Variants in TMEM132D observed in about 807,000 individuals in gnomAD.
The protein encoded by TMEM132D is mature OL transmembrane protein.
TMEM132D carries 21 observed loss-of-function variants against 62.3 expected under a neutral mutation model. That is an observed-to-expected ratio of 0.34 (90% CI 0.24 to 0.49). The LOEUF is 0.49. TMEM132D is among the 20% of genes least tolerant of loss of function. The pLI, the probability that TMEM132D is intolerant of heterozygous loss-of-function variation, is 0.99. For missense variants in TMEM132D, 1,346 were observed against 1,402.8 expected (o/e 0.96, Z 0.65); for synonymous variants, 621 against 575.6 (o/e 1.08, Z -1.13).
At chr12:129,549,755 C>A (rs376222435) in intron 2 of TMEM132D, among the ~76,000 whole-genome samples, 1 of 152,330 alleles carries the variant, frequency 6.6e-6, no homozygotes, top group South Asian at 2.1e-4. Context: ...CTGTTTGTCA[C>A]CTTTGGTGGA....
intron 5 of TMEM132D, among the ~76,000 whole-genome samples, chr12:129,123,541 T>C (rs1876124457): frequency 6.6e-6 from 1 of 152,160 alleles, no homozygotes; most frequent in Admixed American, 6.5e-5. Context: ...CCAAGCCAAC[T>C]CAGGAAATGA....
chr12:129,355,870 C>T (rs569508713), intron 3 of TMEM132D, among the ~76,000 whole-genome samples: 2 of 152,310 alleles, frequency 1.3e-5, no homozygotes, highest in African/African-American at 2.4e-5. Context: ...GAGGGGCCCT[C>T]ACGCAGAGTC....
At chr12:129,172,131 C>T (rs1016395907) in intron 5 of TMEM132D, among the ~76,000 whole-genome samples, 1 of 152,230 alleles carries the variant, frequency 6.6e-6, no homozygotes, top group Non-Finnish European at 1.5e-5. Flanking sequence ...TCAGTACTTG[C>T]TGCTTCACCT....
At chr12:129,435,108 C>G (rs1872754020) in intron 3 of TMEM132D, among the ~76,000 whole-genome samples, 1 of 152,148 alleles carries the variant, frequency 6.6e-6, no homozygotes, top group Non-Finnish European at 1.5e-5. Context: ...ACTATTGAGT[C>G]AATGTCTAGG....
At chr12:129,769,403 A>G (rs1429128275) in intron 1 of TMEM132D, among the ~76,000 whole-genome samples, 2 of 152,154 alleles carry the variant, frequency 1.3e-5, no homozygotes, top group African/African-American at 4.8e-5. Flanking sequence ...CTTATTCACC[A>G]CCACAAGAAC....
At chr12:129,076,895 A>G (rs930437029) in intron 8 of TMEM132D, among the ~76,000 whole-genome samples, 14 of 152,162 alleles carry the variant, frequency 9.2e-5, no homozygotes, top group Non-Finnish European at 1.5e-5. Flanking sequence ...TATCACCCAC[A>G]AAGACAGAGA....
intron 5 of TMEM132D, among the ~76,000 whole-genome samples, chr12:129,156,734 T>C (rs368264368): frequency 5.2e-4 from 79 of 151,606 alleles, no homozygotes; most frequent in African/African-American, 1.8e-3. Context: ...ACTCCCTCAA[T>C]AACCAAATCA....
At chr12:129,389,423 C>T (rs1168547604) in intron 3 of TMEM132D, among the ~76,000 whole-genome samples, 1 of 151,992 alleles carries the variant, frequency 6.6e-6, no homozygotes, top group African/African-American at 2.4e-5. Context: ...ATACTAACAA[C>T]AATACCAACA....
intron 2 of TMEM132D, among the ~76,000 whole-genome samples, chr12:129,684,029 A>G (rs750661398): frequency 5.3e-5 from 8 of 152,314 alleles, no homozygotes; most frequent in Middle Eastern, 3.4e-3. Context: ...TGCGAACGTC[A>G]ATGACTGGAT....
chr12:129,397,941 A>G (rs11837680), intron 3 of TMEM132D, among the ~76,000 whole-genome samples: 12,120 of 152,148 alleles, frequency 0.08, 1,139 homozygotes, highest in African/African-American at 0.24. Context: ...TGGGGCCAAA[A>G]CCTCTCTACA....
At chr12:129,298,563 C>T (rs1466570340) in intron 4 of TMEM132D, among the ~76,000 whole-genome samples, 1 of 152,194 alleles carries the variant, frequency 6.6e-6, no homozygotes, top group Non-Finnish European at 1.5e-5. Context: ...ACTGCTTCCT[C>T]CTATCTGATT....
rs554265366 is a variant in TMEM132D at position 129,475,032 on chromosome 12, C to T, written c.1115+56027G>A. Reference sequence around the variant, plus strand: ...GACACAAAGATGCATAAAAGTCCTACCGAAGCTTGAACTTTGAAGGGGTTA... The same window carrying T: ...GACACAAAGATGCATAAAAGTCCTATCGAAGCTTGAACTTTGAAGGGGTTA... On this transcript the variant is annotated intron_variant, in intron 3 of 8. Coordinates refer to ENST00000422113, the MANE Select transcript of TMEM132D (RefSeq NM_133448.3). Among the ~76,000 whole-genome samples, 149 of 152,278 alleles carry T rather than the reference C, an allele frequency of 9.8e-4. 1 individual carries two copies. The highest frequency in any genetic ancestry group is 3.5e-3 in the African/African-American group (147 of 41,554).
intron 2 of TMEM132D, among the ~76,000 whole-genome samples, chr12:129,566,983 G>A (rs1877383824): frequency 6.6e-6 from 1 of 152,160 alleles, no homozygotes; most frequent in Non-Finnish European, 1.5e-5. Context: ...CCTAACCAAT[G>A]TACATCTTAC....
chr12:129,578,570 T>G (rs950350027), intron 2 of TMEM132D, among the ~76,000 whole-genome samples: 2 of 152,036 alleles, frequency 1.3e-5, no homozygotes, highest in African/African-American at 2.4e-5. Flanking sequence ...AAGAGATTTA[T>G]TATGCAGTAT....
intron 1 of TMEM132D, among the ~76,000 whole-genome samples, chr12:129,737,325 G>A (rs1418682354): frequency 6.6e-6 from 1 of 152,206 alleles, no homozygotes; most frequent in Non-Finnish European, 1.5e-5. Flanking sequence ...CCTACAAGAA[G>A]TATTGTTTGG....
chr12:129,361,031 G>C (rs1245159171), intron 3 of TMEM132D, among the ~76,000 whole-genome samples: 2 of 152,050 alleles, frequency 1.3e-5, no homozygotes, highest in Admixed American at 6.6e-5. Flanking sequence ...GGGTGCACCG[G>C]GACACTTCCA....
At chr12:129,218,690 C>A (rs754353497) in intron 4 of TMEM132D, among the ~76,000 whole-genome samples, 2 of 152,192 alleles carry the variant, frequency 1.3e-5, no homozygotes, top group Non-Finnish European at 2.9e-5. Flanking sequence ...TTTGAGGTTT[C>A]ATTCTAAACT....
intron 5 of TMEM132D, among the ~76,000 whole-genome samples, chr12:129,188,762 G>GAGAGA (rs1878293924): frequency 1.6e-5 from 2 of 126,222 alleles, no homozygotes; most frequent in African/African-American, 5.8e-5. Context: ...AGGGAGAGAG[G>GAGAGA]GAGAGAGAGA....
intron 5 of TMEM132D, among the ~76,000 whole-genome samples, chr12:129,112,420 G>C (rs7971429): frequency 0.29 from 43,657 of 152,146 alleles, 7,144 homozygotes; most frequent in African/African-American, 0.43. Flanking sequence ...CCAGCACTTT[G>C]GGAGGCCAAG....
Sources: allele counts gnomAD v4.1 joint callset (sites outside exome capture counted in the v4.1 genomes callset), GRCh38; gene constraint gnomAD v4.1.1; transcripts MANE v1.5; gene names NCBI Gene and HGNC (gene_info 2026-07-23, HGNC 2026-07-21).